The following EZR variants were observed in gnomAD, a reference collection of about 807,000 sequenced individuals.
EZR encodes cytovillin 2.
EZR carries 40 observed loss-of-function variants against 74.8 expected under a neutral mutation model. The ratio of observed to expected loss-of-function variants is 0.53; its 90% CI spans 0.42 to 0.70. The LOEUF (loss-of-function observed/expected upper bound fraction) is 0.70. Among genes scored for constraint, EZR ranks in the 30% least tolerant of loss-of-function variants. EZR has a pLI of 0.00. For missense variants in EZR, 678 were observed against 755.8 expected (o/e 0.90, Z 1.21); for synonymous variants, 341 against 283.3 (o/e 1.20, Z -2.05).
In EZR at chr6:158,768,538, AC is replaced by A. The variant is rs541698602; in HGVS notation, c.1344+787del. Among the ~76,000 whole-genome samples, 417 of 152,204 alleles carry A rather than the reference AC, an allele frequency of 2.7e-3. 3 individuals carry two copies. The highest frequency in any genetic ancestry group is 9.6e-3 in the African/African-American group (397 of 41,528). On this transcript the variant is annotated intron_variant, in intron 12 of 13. Coordinates refer to ENST00000367075, the MANE Select transcript of EZR (RefSeq NM_001111077.2). ...ATGGAGAAGCCACAGTGGGGGAAGG[AC>A]GGGCCAGCGGGTCTGTGAAGGAGAG...
intron 9 of EZR, 119 bp downstream of exon 9, chr6:158,771,125 A>G: frequency 7.0e-7 from 1 of 1,419,828 alleles, no homozygotes; most frequent in South Asian, 1.4e-5. Context: ...CAGCGTGGTG[A>G]CTGGGTTCCA....
At chr6:158,777,379 T>C (rs148455437) in intron 7 of EZR, among the ~76,000 whole-genome samples, 10 of 152,384 alleles carry the variant, frequency 6.6e-5, no homozygotes, top group Admixed American at 1.3e-4. Flanking sequence ...GGGCTAATCC[T>C]ACTTAACCAA....
chr6:158,808,696 A>G (rs988674692), intron 2 of EZR, among the ~76,000 whole-genome samples: 1 of 152,142 alleles, frequency 6.6e-6, no homozygotes, highest in Non-Finnish European at 1.5e-5. Context: ...AGGCAGAGGG[A>G]GGTGAAAAAA....
chr6:158,784,769 G>T (rs769373501), intron 5 of EZR, 42 bp from the exon 6 acceptor site: 3 of 1,577,286 alleles, frequency 1.9e-6, no homozygotes, highest in Non-Finnish European at 2.6e-6. Flanking sequence ...CTTAAGGAAT[G>T]TGACAGGCAA....
chr6:158,770,156 C>T (rs913862649), intron 10 of EZR, among the ~76,000 whole-genome samples: 7 of 152,236 alleles, frequency 4.6e-5, no homozygotes, highest in Admixed American at 6.5e-5. Flanking sequence ...ACCCGTCCAA[C>T]GCCAGCCAGG....
intron 2 of EZR, among the ~76,000 whole-genome samples, chr6:158,811,394 G>C (rs1342791268): frequency 1.3e-5 from 1 of 77,196 alleles, no homozygotes; most frequent in Non-Finnish European, 3.3e-5. Flanking sequence ...CTTCAGAATA[G>C]AGCTGAAACA....
chr6:158,787,083 C>T, intron 4 of EZR, 25 bp downstream of exon 4: 1 of 1,586,166 alleles, frequency 6.3e-7, no homozygotes, highest in South Asian at 1.1e-5. Flanking sequence ...AATCCACAGC[C>T]TGTAAATAGT....
In EZR at chr6:158,766,870, C is replaced by A; in HGVS notation, c.*44G>T. ...GACACAAGCGTGGCGGGGCTGGCAGCGCCCGCTATGAGCACCCCTCTGCCC... is the reference window on the plus strand; with the variant it reads ...GACACAAGCGTGGCGGGGCTGGCAGAGCCCGCTATGAGCACCCCTCTGCCC... On this transcript the variant is annotated 3_prime_UTR_variant, in exon 14 of 14. Transcript: ENST00000367075. The A allele has an allele frequency of 6.4e-7, 1 of 1,571,678 alleles. No individual in the cohort carries two copies. The highest frequency in any genetic ancestry group is 8.7e-7 in the Non-Finnish European group (1 of 1,150,304).
In EZR at chr6:158,766,870, C is replaced by T. The variant is rs372850570; in HGVS notation, c.*44G>A. On this transcript the variant is annotated 3_prime_UTR_variant, in exon 14 of 14. Coordinates refer to ENST00000367075, the MANE Select transcript of EZR (RefSeq NM_001111077.2). ...GACACAAGCGTGGCGGGGCTGGCAG[C>T]GCCCGCTATGAGCACCCCTCTGCCC... is the stretch of plus-strand genomic sequence containing the variant. 3.4e-5 allele frequency: 54 copies of T among 1,571,560 alleles called. No homozygotes were observed. The East Asian group carries it at 4.8e-4, about 14-fold the overall frequency.
rs1037714840 is a variant in EZR at position 158,767,437 on chromosome 6, G to C, written c.1420C>G (p.Pro474Ala). The change falls in exon 13 of 14, where the codon CCA becomes GCA. Residue 474 changes from proline to alanine, a missense_variant. Pro to Ala is a conservative substitution (Grantham distance 27). Transcript: ENST00000367075. ...HLVMTAPPPP[P>A]PPVYEPVSYH... ...CTCACCGGCTCGTACACGGGGGGTG[G>C]TGGGGGCGGGGGTGCTGTCATCACC... The C allele has an allele frequency of 6.2e-7, 1 of 1,612,978 alleles. No homozygotes were observed. The highest frequency in any genetic ancestry group is 8.5e-7 in the Non-Finnish European group (1 of 1,179,488).
Position 158,787,132 on chromosome 6 carries a change from A to G in EZR, c.168T>C (p.Pro56=), listed in dbSNP as rs780911028. 3 of 1,613,540 alleles carry G rather than the reference A, an allele frequency of 1.9e-6. No homozygotes were observed. Among genetic ancestry groups the G allele is most frequent in the Non-Finnish European group, 2.5e-6 (3 of 1,179,458 alleles). ...CCTTCTTATCCAGCTTCAGCCAGGTAGGAAATCCTTTATTATCCACATAGT... is the reference window on the plus strand; with the variant it reads ...CCTTCTTATCCAGCTTCAGCCAGGTGGGAAATCCTTTATTATCCACATAGT... ...GLHYVDNKGF[P]TWLKLDKKVS... The change falls in exon 4 of 14, where the codon CCT becomes CCC. Residue 56 remains proline, a synonymous_variant. Coordinates refer to ENST00000367075, the MANE Select transcript of EZR (RefSeq NM_001111077.2).
intron 2 of EZR, among the ~76,000 whole-genome samples, chr6:158,805,242 G>A (rs544894033): frequency 4.6e-5 from 7 of 151,418 alleles, no homozygotes; most frequent in Admixed American, 1.3e-4. Context: ...GTGGGGCTGA[G>A]GCAGGAGAAT....
At chr6:158,811,301 CTT>C (rs540918117) in intron 2 of EZR, among the ~76,000 whole-genome samples, 91 of 151,834 alleles carry the variant, frequency 6.0e-4, no homozygotes, top group African/African-American at 2.1e-3. Flanking sequence ...CATTCACTGA[CTT>C]TGAAAGCAGA....
In EZR at chr6:158,767,142, G is replaced by GA. The variant is rs886501476; in HGVS notation, c.1597-65dup. ...CCATATGGCCCGGCCCGTCCCCTAG[G>GA]AAAACAGGAAGGGCAAGAGGGGTGC... On this transcript the variant is annotated intron_variant, in intron 13 of 13. Coordinates refer to ENST00000367075, the MANE Select transcript of EZR (RefSeq NM_001111077.2). 9.4e-6 allele frequency: 15 copies of GA among 1,597,432 alleles called. No homozygotes were observed. In the Admixed American group the frequency reaches 1.7e-4, roughly 18 times the overall value.
At chr6:158,814,164 A>C (rs1777503775) in intron 2 of EZR, among the ~76,000 whole-genome samples, 1 of 152,114 alleles carries the variant, frequency 6.6e-6, no homozygotes, top group African/African-American at 2.4e-5. Context: ...GGAACCCCAA[A>C]TCACCCTCCT....
At chr6:158,796,156 CTAT>C (rs1777065523) in intron 2 of EZR, among the ~76,000 whole-genome samples, 1 of 152,196 alleles carries the variant, frequency 6.6e-6, no homozygotes, top group Admixed American at 6.5e-5. Flanking sequence ...CACTAGAATG[CTAT>C]TCAAGGCCAG....
intron 7 of EZR, among the ~76,000 whole-genome samples, chr6:158,776,968 AAC>A (rs1170994207): frequency 1.3e-5 from 2 of 152,086 alleles, no homozygotes; most frequent in Admixed American, 6.5e-5. Context: ...CTCCCATGTC[AAC>A]ACAGTCCTTA....
rs376423496 is a variant in EZR, at chr6:158,769,415, C to T, written c.1255G>A (p.Ala419Thr). The T allele has an allele frequency of 1.2e-6, 2 of 1,605,568 alleles. No individual in the cohort carries two copies. Among genetic ancestry groups the T allele is most frequent in the Non-Finnish European group, 1.7e-6 (2 of 1,179,948 alleles). Residue 419 changes from alanine to threonine, a missense_variant, in exon 12 of 14, where the codon GCG (alanine) becomes ACG (threonine). Physicochemically the swap from Ala to Thr is moderately conservative, Grantham distance 58 (BLOSUM62 0). Coordinates refer to ENST00000367075, the MANE Select transcript of EZR (RefSeq NM_001111077.2). ...TTGGCAGTGTATTCTGCAAGCTCCG[C>T]AGCCTGGGAAGGGAATGCCAAGCTC... Reference protein sequence around the residue: ...DQIKSQEQLAAELAEYTAKIA... With the variant: ...DQIKSQEQLATELAEYTAKIA...
intron 2 of EZR, among the ~76,000 whole-genome samples, chr6:158,798,648 G>A (rs921386695): frequency 8.7e-4 from 55 of 63,332 alleles, no homozygotes; most frequent in Admixed American, 2.2e-3. Context: ...TTTTTTTTTT[G>A]AGAAAGGGTC....
Sources: gnomAD v4.1 joint callset for allele counts (sites outside exome capture counted in the v4.1 genomes callset) on GRCh38, gnomAD v4.1.1 for gene constraint, MANE v1.5 for transcripts, NCBI Gene and HGNC (gene_info 2026-07-23, HGNC 2026-07-21) for gene names.